ETS1: variants seen among roughly 807,000 people sequenced by gnomAD.
ETS1 encodes the protein ETS proto-oncogene 1, transcription factor.
ETS1 carries 15 observed loss-of-function variants against 58.6 expected under a neutral mutation model. The ratio of observed to expected loss-of-function variants is 0.26; its 90% CI spans 0.17 to 0.39. The LOEUF is 0.39. Ranked by LOEUF, ETS1 falls within the 10% of genes least tolerant of loss-of-function variation. ETS1 has a pLI of 1.00. For synonymous variants in ETS1, 214 were observed against 218.2 expected, an observed-to-expected ratio of 0.98 and a Z score of 0.17; for missense variants, 417 against 610.5, an observed-to-expected ratio of 0.68 and a Z score of 3.34.
rs1424373539 is a variant in ETS1 at position 128,459,946 on chromosome 11, T to A, written c.*2415A>T. The A allele has an allele frequency of 6.6e-6, 1 of 152,376 alleles. No individual in the cohort carries two copies. The highest frequency in any genetic ancestry group is 1.9e-4 in the East Asian group (1 of 5,336). 9.4% of individuals were successfully genotyped at this position (152,376 alleles called of 1,614,324 possible). On this transcript the variant is annotated 3_prime_UTR_variant, in exon 10 of 10. Coordinates refer to ENST00000392668, the MANE Select transcript of ETS1 (RefSeq NM_001143820.2). ...TGATTTGAGAAAGTGATTTTATGCCTGGTTGCAAACAGCAAGCAATAATTG... is the reference window on the plus strand; with the variant it reads ...TGATTTGAGAAAGTGATTTTATGCCAGGTTGCAAACAGCAAGCAATAATTG...
Position 128,464,279 on chromosome 11 carries a change from G to A in ETS1, c.1124-652C>T, listed in dbSNP as rs769071321. 1.7e-4 allele frequency among the ~76,000 whole-genome samples: 25 copies of A among 148,776 alleles called. No homozygotes were observed. The highest frequency in any genetic ancestry group is 2.2e-4 in the Non-Finnish European group (15 of 67,630). On this transcript the variant is annotated intron_variant, in intron 8 of 9. Transcript: ENST00000392668. The surrounding 1 kb of genome is among the most constrained non-coding windows in gnomAD (Gnocchi z 4.1). ...CATCATTACTATTTGAGGAATTAAC[G>A]TGCCACCCAGAAAATCCTCAGGGGT...
At chr11:128,486,042 A>C in intron 6 of ETS1, 27 bp downstream of exon 6, 3 of 1,458,002 alleles carry the variant, frequency 2.1e-6, no homozygotes, top group Non-Finnish European at 2.9e-6. Flanking sequence ...TATTATCATG[A>C]GAGAAGAGGG....
intron 8 of ETS1, among the ~76,000 whole-genome samples, chr11:128,471,131 C>G (rs754732002): frequency 9.9e-5 from 15 of 152,180 alleles, no homozygotes; most frequent in Non-Finnish European, 1.5e-4. Flanking sequence ...CCACAAATGC[C>G]AATAGTTTGG....
At position 128,463,457 on chromosome 11, in the gene ETS1, G is replaced by C. The variant is rs374202667; in HGVS notation, c.1242+52C>G. On this transcript the variant is annotated intron_variant, in intron 9 of 9. Coordinates refer to ENST00000392668, the MANE Select transcript of ETS1 (RefSeq NM_001143820.2). This position sits in a 1 kb window ranked among gnomAD's most constrained non-coding sequence, Gnocchi z 4.1. The stretch of plus-strand genomic sequence containing the variant: ...CAGGCCCACGCCACCCCTTCCAGGA[G>C]TTTTCTCTCATCCTTCCTCAACACA... 1.3e-4 allele frequency: 143 copies of C among 1,080,178 alleles called. No individual in the cohort carries two copies. In the African/African-American group the frequency reaches 1.7e-3, roughly 12 times the overall value. 66.9% of individuals were successfully genotyped at this position (1,080,178 alleles called of 1,614,324 possible). A position where few individuals can be genotyped will look rare whatever the true frequency, so the allele number is the denominator to read the frequency against.
intron 1 of ETS1, among the ~76,000 whole-genome samples, chr11:128,579,832 A>G (rs1864828842): frequency 6.6e-6 from 1 of 152,066 alleles, no homozygotes; most frequent in Non-Finnish European, 1.5e-5. Flanking sequence ...TACTATAGAA[A>G]TGTATTTTTG....
At chr11:128,580,767 A>G (rs1489055256) in intron 1 of ETS1, among the ~76,000 whole-genome samples, 1 of 152,226 alleles carries the variant, frequency 6.6e-6, no homozygotes, top group Non-Finnish European at 1.5e-5. Context: ...AACTCACAGT[A>G]CAATTAACAT....
At chr11:128,569,315 C>CTTTTTTT (rs1864572866) in intron 2 of ETS1, among the ~76,000 whole-genome samples, 4 of 35,136 alleles carry the variant, frequency 1.1e-4, no homozygotes, top group Non-Finnish European at 1.8e-4. Context: ...GACAGAGTTT[C>CTTTTTTT]TTCTTTTTTT....
intron 2 of ETS1, among the ~76,000 whole-genome samples, chr11:128,558,721 A>G (rs1207550026): frequency 6.6e-6 from 1 of 150,622 alleles, no homozygotes; most frequent in East Asian, 1.9e-4. Context: ...ATGTTTCCTT[A>G]CTTTTGGCTT....
At chr11:128,491,525 A>G (rs1862799055) in intron 3 of ETS1, among the ~76,000 whole-genome samples, 1 of 152,256 alleles carries the variant, frequency 6.6e-6, no homozygotes, top group African/African-American at 2.4e-5. Flanking sequence ...AGAATTTAGG[A>G]AGAAAAGAAT....
intron 3 of ETS1, among the ~76,000 whole-genome samples, chr11:128,548,491 A>C (rs910154721): frequency 5.3e-5 from 8 of 152,182 alleles, no homozygotes; most frequent in African/African-American, 1.9e-4. Context: ...AGCCCTACCC[A>C]GCTCTCTTGA....
Position 128,462,336 on chromosome 11 carries a change from G to A in ETS1, c.*25C>T, listed in dbSNP as rs1444397516. On this transcript the variant is annotated 3_prime_UTR_variant, in exon 10 of 10. Transcript: ENST00000392668. Reference sequence around the variant, plus strand: ...GGCTGTCCTTGGAAGGTCTCAGCAGGGTTTCCCCAGCCCCTTCAGTGCCAT... The same window carrying A: ...GGCTGTCCTTGGAAGGTCTCAGCAGAGTTTCCCCAGCCCCTTCAGTGCCAT... 3.8e-6 allele frequency: 6 copies of A among 1,576,890 alleles called. No homozygotes were observed. The Admixed American group carries it at 1.0e-4, about 26-fold the overall frequency.
At chr11:128,559,182 G>A (rs565118452) in intron 2 of ETS1, among the ~76,000 whole-genome samples, 3 of 152,274 alleles carry the variant, frequency 2.0e-5, no homozygotes, top group Admixed American at 6.5e-5. Flanking sequence ...ACCTGAATTC[G>A]GATTTAAAAG....
chr11:128,548,459 A>G (rs1470165714), intron 3 of ETS1, among the ~76,000 whole-genome samples: 2 of 152,120 alleles, frequency 1.3e-5, no homozygotes, highest in African/African-American at 4.8e-5. Context: ...TGGGTGGCAG[A>G]GCTGAAACCT....
intron 8 of ETS1, among the ~76,000 whole-genome samples, chr11:128,476,071 G>C (rs142360137): frequency 6.6e-6 from 1 of 152,258 alleles, no homozygotes; most frequent in African/African-American, 2.4e-5. Flanking sequence ...CAGGCTCCTA[G>C]AAAACAAGAA....
chr11:128,503,541 T>C (rs1853415316), intron 3 of ETS1, among the ~76,000 whole-genome samples: 1 of 152,178 alleles, frequency 6.6e-6, no homozygotes, highest in Non-Finnish European at 1.5e-5. Context: ...GCTATGCAAA[T>C]GGTGGAGACT....
intron 1 of ETS1, among the ~76,000 whole-genome samples, chr11:128,580,166 G>A (rs1020376982): frequency 2.5e-5 from 3 of 119,820 alleles, no homozygotes; most frequent in South Asian, 2.7e-4. Context: ...GTAAGTTATC[G>A]TTTGGACATT....
At chr11:128,560,177 A>G (rs1023423502) in intron 2 of ETS1, among the ~76,000 whole-genome samples, 1 of 151,950 alleles carries the variant, frequency 6.6e-6, no homozygotes, top group Admixed American at 6.6e-5. Context: ...CAGTGGCGCA[A>G]TCTCGGCTCA....
chr11:128,560,092 T>C (rs1036906957), intron 2 of ETS1, among the ~76,000 whole-genome samples: 2 of 151,444 alleles, frequency 1.3e-5, no homozygotes, highest in Non-Finnish European at 2.9e-5. Context: ...CCCCTGGCAC[T>C]CTGCATCAGA....
At chr11:128,520,585 A>T in intron 3 of ETS1, among the ~76,000 whole-genome samples, 1 of 152,242 alleles carries the variant, frequency 6.6e-6, no homozygotes, top group East Asian at 1.9e-4. Flanking sequence ...TCTGAATTGT[A>T]GGCCTAAGTG....
Sources: allele counts gnomAD v4.1 joint callset (sites outside exome capture counted in the v4.1 genomes callset), GRCh38; gene constraint gnomAD v4.1.1; non-coding constraint Gnocchi (gnomAD v3.1); transcripts MANE v1.5; gene names NCBI Gene and HGNC (gene_info 2026-07-23, HGNC 2026-07-21).